EGFR: variants seen among roughly 807,000 people sequenced by gnomAD.
The protein encoded by EGFR is avian erythroblastic leukemia viral (v-erb-b) oncogene homolog.
Under a neutral mutation model 143.0 loss-of-function variants are expected in EGFR, and 58 were observed. The ratio of observed to expected loss-of-function variants is 0.41; its 90% confidence interval spans 0.33 to 0.50. The LOEUF (loss-of-function observed/expected upper bound fraction) is 0.50, where lower values mean the gene tolerates loss of function less well. Among genes scored for constraint, EGFR ranks in the 20% least tolerant of loss-of-function variants. The pLI, the probability that EGFR is intolerant of heterozygous loss-of-function variation, is 0.39. For missense variants in EGFR, 1,307 were observed against 1,579.0 expected (o/e 0.83, Z 2.92); for synonymous variants, 613 against 594.4 (o/e 1.03, Z -0.45).
intron 1 of EGFR, among the ~76,000 whole-genome samples, chr7:55,058,451 T>A (rs1395790193): frequency 6.6e-6 from 1 of 150,422 alleles, no homozygotes; most frequent in Non-Finnish European, 1.5e-5. Flanking sequence ...AGACGTGGAA[T>A]CAACCTAAAT....
chr7:55,106,559 C>T (rs1018065907), intron 1 of EGFR, among the ~76,000 whole-genome samples: 2 of 152,202 alleles, frequency 1.3e-5, no homozygotes, highest in African/African-American at 4.8e-5. Context: ...ACATATCCCT[C>T]CAAAAATCAG....
chr7:55,152,716 C>A, intron 6 of EGFR, 52 bp downstream of exon 6: 1 of 1,476,766 alleles, frequency 6.8e-7, no homozygotes, highest in South Asian at 1.1e-5. Context: ...CTGCACCCGC[C>A]CCACCCACAC....
At chr7:55,102,509 C>A (rs1791888704) in intron 1 of EGFR, among the ~76,000 whole-genome samples, 1 of 152,190 alleles carries the variant, frequency 6.6e-6, no homozygotes, top group Non-Finnish European at 1.5e-5. Flanking sequence ...GACATGCACA[C>A]TGAACTGCAG....
chr7:55,066,721 G>A (rs565215247), intron 1 of EGFR, among the ~76,000 whole-genome samples: 4 of 152,268 alleles, frequency 2.6e-5, no homozygotes, highest in Admixed American at 2.6e-4. Flanking sequence ...GGGTGCTGTG[G>A]ATTCACAAGT....
chr7:55,091,525 C>T (rs1193448955), intron 1 of EGFR, among the ~76,000 whole-genome samples: 2 of 152,172 alleles, frequency 1.3e-5, no homozygotes, highest in African/African-American at 4.8e-5. Flanking sequence ...TCCCACCTCC[C>T]TTCGACAGTA....
At chr7:55,072,667 T>A (rs1789903284) in intron 1 of EGFR, among the ~76,000 whole-genome samples, 1 of 152,228 alleles carries the variant, frequency 6.6e-6, no homozygotes, top group Non-Finnish European at 1.5e-5. Context: ...GTCCCATCAT[T>A]TTATTACTGC....
intron 1 of EGFR, among the ~76,000 whole-genome samples, chr7:55,118,016 G>A (rs954895538): frequency 2.0e-5 from 3 of 152,220 alleles, no homozygotes; most frequent in Non-Finnish European, 4.4e-5. Flanking sequence ...GACTCGGCGT[G>A]TCTATAAATT....
chr7:55,152,395 G>C (rs1004572133), intron 5 of EGFR, 151 bp from the exon 6 acceptor site: 1 of 798,368 alleles, frequency 1.3e-6, no homozygotes, highest in African/African-American at 1.7e-5. Flanking sequence ...ATCAGAAAAG[G>C]GCATGGTTTG....
At chr7:55,103,492 C>CT (rs1475489711) in intron 1 of EGFR, among the ~76,000 whole-genome samples, 2 of 152,168 alleles carry the variant, frequency 1.3e-5, no homozygotes, top group East Asian at 1.9e-4. Context: ...ATTTATGAAC[C>CT]TGCAGCATTG....
At position 55,201,269 on chromosome 7, in the gene EGFR, G is replaced by A. The variant is rs757699239; in HGVS notation, c.3028G>A (p.Val1010Met). The change falls in exon 25 of 28, where the codon GTG becomes ATG. Residue 1010 changes from valine (V) to methionine (M), a missense_variant. Physicochemically the swap from Val to Met is conservative, Grantham distance 21. Around this residue, in one of 7 missense-constraint regions of EGFR, gnomAD observed 313 missense variants for 312.3 expected, o/e 1.00. Transcript: ENST00000275493. ...ALMDEEDMDD[V>M]VDADEYLIPQ... Reference sequence around the variant, plus strand: ...GATGGATGAAGAAGACATGGACGACGTGGTGGATGCCGACGAGTACCTCAT... The same window carrying A: ...GATGGATGAAGAAGACATGGACGACATGGTGGATGCCGACGAGTACCTCAT... 6.2e-6 allele frequency: 10 copies of A among 1,614,054 alleles called. No individual in the cohort carries two copies. Among genetic ancestry groups the A allele is most frequent in the South Asian group, 3.3e-5 (3 of 91,084 alleles).
intron 1 of EGFR, among the ~76,000 whole-genome samples, chr7:55,098,954 TCAGGTGGCCTCTC>T (rs544657624): frequency 2.5e-4 from 38 of 152,310 alleles, no homozygotes; most frequent in Non-Finnish European, 4.6e-4. Flanking sequence ...GACAGGAGCC[TCAGGTGGCCTCTC>T]CTGAGAGGCC....
chr7:55,121,371 CTGGCAGATATCATA>C (rs1202472026), intron 1 of EGFR, among the ~76,000 whole-genome samples: 9 of 152,222 alleles, frequency 5.9e-5, no homozygotes, highest in Non-Finnish European at 8.8e-5. Flanking sequence ...CCCCGTGCCT[CTGGCAGATATCATA>C]TGGCGTTTCA....
chr7:55,136,509 C>T (rs1383027433), intron 1 of EGFR, among the ~76,000 whole-genome samples: 1 of 152,172 alleles, frequency 6.6e-6, no homozygotes, highest in African/African-American at 2.4e-5. Flanking sequence ...ATAAATCCAA[C>T]ATGTGTGTGT....
intron 16 of EGFR, among the ~76,000 whole-genome samples, chr7:55,172,251 T>C (rs1237189878): frequency 2.0e-5 from 3 of 152,242 alleles, no homozygotes; most frequent in Non-Finnish European, 4.4e-5. Flanking sequence ...CCTATGGATA[T>C]GCGCTCCATA....
Position 55,208,587 on chromosome 7 carries a change from G to A in EGFR, c.*2970G>A, listed in dbSNP as rs884419. ...GAGCTCCTCTAATTACACCATGCCC[G>A]TCACCCCATGAGGGATCAGAGAAGG... On this transcript the variant is annotated 3_prime_UTR_variant, in exon 28 of 28. Coordinates refer to ENST00000275493, the MANE Select transcript of EGFR (RefSeq NM_005228.5). 17,484 of 152,040 alleles carry A rather than the reference G, an allele frequency of 0.11. 1,439 individuals are homozygous for A. The highest frequency in any genetic ancestry group is 0.46 in the East Asian group (2,365 of 5,130). The allele number at this position is 152,040 out of a possible 1,614,324, so 9.4% of individuals were successfully genotyped here.
chr7:55,198,586 A>G, intron 22 of EGFR, 131 bp from the exon 23 acceptor site: 1 of 1,417,510 alleles, frequency 7.1e-7, no homozygotes, highest in South Asian at 1.2e-5. Context: ...ATTGAAGCAA[A>G]TTGCCCAAGA....
At chr7:55,041,488 C>T (rs765554661) in intron 1 of EGFR, among the ~76,000 whole-genome samples, 1 of 152,238 alleles carries the variant, frequency 6.6e-6, no homozygotes, top group East Asian at 1.9e-4. Flanking sequence ...CCATACACAT[C>T]GTACCATGTA....
At chr7:55,020,431 G>A (rs2128855023) in intron 1 of EGFR, among the ~76,000 whole-genome samples, 1 of 152,328 alleles carries the variant, frequency 6.6e-6, no homozygotes, top group South Asian at 2.1e-4. Flanking sequence ...GCTCATCCTG[G>A]CCAACACCAT....
At chr7:55,174,339 C>G (rs1038965554) in intron 18 of EGFR, among the ~76,000 whole-genome samples, 2 of 152,246 alleles carry the variant, frequency 1.3e-5, no homozygotes, top group African/African-American at 4.8e-5. Context: ...TCTCACCGCA[C>G]GGCATCAGAA....
Sources: allele counts gnomAD v4.1 joint callset (sites outside exome capture counted in the v4.1 genomes callset), GRCh38; gene constraint gnomAD v4.1.1; regional missense constraint gnomAD v4.1.1; transcripts MANE v1.5; gene names NCBI Gene and HGNC (gene_info 2026-07-23, HGNC 2026-07-21).